The following C3orf20 variants were observed in gnomAD, a reference collection of about 807,000 sequenced individuals.
C3orf20 encodes family with sequence similarity 149 member C.
In C3orf20, 76 loss-of-function variants were observed where a neutral mutation model predicts 88.3. The observed-to-expected ratio is 0.86, with a 90% CI of 0.72 to 1.04. The LOEUF is 1.04. Among genes scored for constraint, C3orf20 ranks in the 50% least tolerant of loss-of-function variants. The pLI is 0.00. For synonymous variants in C3orf20, 436 were observed against 437.4 expected, an observed-to-expected ratio of 1.00 and a Z score of 0.04; for missense variants, 1,056 against 1,123.3, an observed-to-expected ratio of 0.94 and a Z score of 0.86.
intron 12 of C3orf20, among the ~76,000 whole-genome samples, chr3:14,732,315 G>T (rs1297934663): frequency 1.3e-5 from 2 of 152,118 alleles, no homozygotes; most frequent in African/African-American, 4.8e-5. Context: ...CAAGTCTTTT[G>T]CACATTTCAA....
At chr3:14,749,046 T>C (rs1442093175) in intron 12 of C3orf20, among the ~76,000 whole-genome samples, 1 of 152,218 alleles carries the variant, frequency 6.6e-6, no homozygotes, top group Non-Finnish European at 1.5e-5. Flanking sequence ...AAGTGGGATG[T>C]TAAAGTATCT....
At chr3:14,705,783 C>CA (rs540995325) in intron 7 of C3orf20, among the ~76,000 whole-genome samples, 107 of 152,250 alleles carry the variant, frequency 7.0e-4, no homozygotes, top group Admixed American at 2.1e-3. Flanking sequence ...ATGTGAAACA[C>CA]AGTCATTTGT....
intron 5 of C3orf20, among the ~76,000 whole-genome samples, chr3:14,693,502 G>C (rs915789311): frequency 1.3e-5 from 2 of 152,118 alleles, no homozygotes; most frequent in African/African-American, 4.8e-5. Context: ...ACTGTCCACT[G>C]TTGGCATATA....
In C3orf20 at chr3:14,772,876, C is replaced by T. The variant is rs2035899930; in HGVS notation, c.*1C>T. Reference sequence around the variant, plus strand: ...GAAGAAGCAGGCCTCCAAGAAGTAGCGCCATCCTGGCAGCAGCCAAGTGAG... The same window carrying T: ...GAAGAAGCAGGCCTCCAAGAAGTAGTGCCATCCTGGCAGCAGCCAAGTGAG... On this transcript the variant is annotated 3_prime_UTR_variant, in exon 17 of 17. Transcript: ENST00000253697. This position sits in a 1 kb window ranked among gnomAD's most constrained non-coding sequence, Gnocchi z 4.2. The T allele has an allele frequency of 6.2e-6, 10 of 1,612,820 alleles. No homozygotes were observed. The highest frequency in any genetic ancestry group is 2.2e-5 in the East Asian group (1 of 44,882).
At chr3:14,719,465 G>A (rs1353897591) in intron 9 of C3orf20, among the ~76,000 whole-genome samples, 1 of 152,232 alleles carries the variant, frequency 6.6e-6, no homozygotes, top group Non-Finnish European at 1.5e-5. Flanking sequence ...CTCCATGACG[G>A]ATTATGTGTC....
chr3:14,734,977 A>G (rs1288260561), intron 12 of C3orf20, among the ~76,000 whole-genome samples: 2 of 151,914 alleles, frequency 1.3e-5, no homozygotes, highest in African/African-American at 4.8e-5. Flanking sequence ...TACAGCCTGT[A>G]TTCTCTAGTA....
chr3:14,742,645 A>G (rs903988790), intron 12 of C3orf20, among the ~76,000 whole-genome samples: 3 of 152,140 alleles, frequency 2.0e-5, no homozygotes, highest in African/African-American at 7.2e-5. Context: ...GTTTCTGTCA[A>G]ATTGGTTGTA....
chr3:14,714,081 A>G lies in C3orf20; in HGVS notation c.1235A>G (p.Asn412Ser), dbSNP rs1474532105. Residue 412 changes from asparagine (N) to serine (S), a missense_variant, in exon 8 of 17, where the codon AAT (asparagine) becomes AGT (serine). Transcript: ENST00000253697. Reference sequence around the variant, plus strand: ...GGGAGAACCATCACCTGCCTCTTTAATGACATACCTGGATTCTCCTTGCTG... The same window carrying G: ...GGGAGAACCATCACCTGCCTCTTTAGTGACATACCTGGATTCTCCTTGCTG... ...CRGRTITCLF[N>S]DIPGFSLLAL... The G allele has an allele frequency of 6.2e-7, 1 of 1,614,136 alleles. No homozygotes were observed. The highest frequency in any genetic ancestry group is 8.5e-7 in the Non-Finnish European group (1 of 1,180,024).
chr3:14,714,243 C>G (rs375334222), intron 8 of C3orf20, 84 bp downstream of exon 8: 11 of 1,481,928 alleles, frequency 7.4e-6, no homozygotes, highest in Non-Finnish European at 1.0e-5. Context: ...CTACGAGTCC[C>G]TGGTTAAAGA....
At chr3:14,755,506 C>G (rs1246840689) in intron 12 of C3orf20, among the ~76,000 whole-genome samples, 5 of 152,220 alleles carry the variant, frequency 3.3e-5, no homozygotes, top group Admixed American at 2.6e-4. Context: ...CCCCCACCCC[C>G]TGCTCTGCCC....
At chr3:14,722,024 G>A (rs947256949) in intron 10 of C3orf20, 7 of 475,548 alleles carry the variant, frequency 1.5e-5, no homozygotes, top group African/African-American at 1.2e-4. Context: ...GCTTAAGCAT[G>A]AAAAAAGAAT....
chr3:14,694,812 T>C (rs1231793787), intron 5 of C3orf20, among the ~76,000 whole-genome samples: 5 of 151,984 alleles, frequency 3.3e-5, no homozygotes, highest in African/African-American at 1.2e-4. Flanking sequence ...TTTTTTGAGA[T>C]GAAGTCTCAC....
At position 14,772,834 on chromosome 3, in the gene C3orf20, A is replaced by G. The variant is rs754243953; in HGVS notation, c.2674A>G (p.Ser892Gly). Residue 892 changes from serine (S) to glycine (G), a missense_variant, in exon 17 of 17, where the codon AGC becomes GGC. Ser to Gly is a moderately conservative substitution (Grantham distance 56, BLOSUM62 0). Transcript: ENST00000253697. This position sits in a 1 kb window ranked among gnomAD's most constrained non-coding sequence, Gnocchi z 4.2. ...EVELHPLSRD[S>G]KITSWKKQAS... ...GGAGCTACATCCTCTCAGCAGGGAC[A>G]GCAAGATAACTAGTTGGAAGAAGCA... The G allele has an allele frequency of 6.2e-7, 1 of 1,614,158 alleles. No homozygotes were observed. The highest frequency in any genetic ancestry group is 1.1e-5 in the South Asian group (1 of 91,084).
chr3:14,720,309 T>C (rs1197020842), intron 9 of C3orf20, among the ~76,000 whole-genome samples: 4 of 152,190 alleles, frequency 2.6e-5, no homozygotes, highest in South Asian at 2.1e-4. Flanking sequence ...GGATTACAGG[T>C]GTGAGCCACC....
chr3:14,690,168 G>C (rs1175182903), intron 5 of C3orf20, 52 bp downstream of exon 5: 1 of 1,611,932 alleles, frequency 6.2e-7, no homozygotes, highest in South Asian at 1.1e-5. Context: ...CGGTGGGGTG[G>C]GGGATAGGTT....
chr3:14,682,253 A>T lies in C3orf20; in HGVS notation c.-215A>T. On this transcript the variant is annotated 5_prime_UTR_variant, in exon 2 of 17. An upstream open reading frame in the 5' UTR loses its in-frame stop. Transcript: ENST00000253697. Reference sequence around the variant, plus strand: ...CCCTTGCTTCCAAAGCGAACCAGTGAAACATCTTTTTATTCTTGCAGGTTC... The same window carrying T: ...CCCTTGCTTCCAAAGCGAACCAGTGTAACATCTTTTTATTCTTGCAGGTTC... 1 of 158,642 alleles carries T rather than the reference A, an allele frequency of 6.3e-6. No homozygotes were observed. Among genetic ancestry groups the T allele is most frequent in the South Asian group, 1.9e-4 (1 of 5,380 alleles). 9.8% of individuals were successfully genotyped at this position (158,642 alleles called of 1,614,324 possible).
At chr3:14,683,348 C>A in intron 3 of C3orf20, 151 bp downstream of exon 3, 1 of 1,016,292 alleles carries the variant, frequency 9.8e-7, no homozygotes, top group East Asian at 2.6e-5. Flanking sequence ...TCTCACTCCT[C>A]CCTGTTCTCC....
Position 14,772,129 on chromosome 3 carries a change from A to C in C3orf20, c.2558A>C (p.Asp853Ala). 2 of 1,614,232 alleles carry C rather than the reference A, an allele frequency of 1.2e-6. No homozygotes were observed. Among genetic ancestry groups the C allele is most frequent in the Non-Finnish European group, 1.7e-6 (2 of 1,180,032 alleles). The change falls in exon 16 of 17, where the codon GAT (aspartate) becomes GCT (alanine). Residue 853 changes from aspartate to alanine, a missense_variant. Coordinates refer to ENST00000253697, the MANE Select transcript of C3orf20 (RefSeq NM_032137.5). The surrounding 1 kb of genome is among the most constrained non-coding windows in gnomAD (Gnocchi z 4.2). The part of the protein sequence containing the change: ...SESVKKAESE[D>A]IQGSSSSLAL... ...TCAGTCAAGAAAGCCGAGTCAGAAG[A>C]TATCCAAGGAAGCAGCTCCTCATTG... is the stretch of plus-strand genomic sequence containing the variant.
intron 4 of C3orf20, among the ~76,000 whole-genome samples, chr3:14,687,630 A>G (rs1248921016): frequency 6.6e-6 from 1 of 152,204 alleles, no homozygotes; most frequent in Non-Finnish European, 1.5e-5. Flanking sequence ...ATGTCAGGGT[A>G]GCTCCAGCCC....
Sources: gnomAD v4.1 joint callset for allele counts (sites outside exome capture counted in the v4.1 genomes callset) on GRCh38, gnomAD v4.1.1 for gene constraint, Gnocchi (gnomAD v3.1) non-coding constraint, MANE v1.5 for transcripts, NCBI Gene and HGNC (gene_info 2026-07-23, HGNC 2026-07-21) for gene names.